Variants in FGD4 observed in about 807,000 individuals in gnomAD.
FGD4 encodes FYVE, RhoGEF and PH domain-containing protein 4.
A neutral mutation model predicts 102.0 loss-of-function variants in FGD4; 42 were observed. That is an observed-to-expected ratio of 0.41 (90% CI 0.32 to 0.53). The LOEUF (loss-of-function observed/expected upper bound fraction) is 0.53. Among genes scored for constraint, FGD4 ranks in the 20% least tolerant of loss-of-function variants. The pLI is 0.21. For synonymous variants in FGD4, 380 were observed against 375.7 expected, an observed-to-expected ratio of 1.01 and a Z score of -0.13; for missense variants, 902 against 1,078.2, an observed-to-expected ratio of 0.84 and a Z score of 2.29.
chr12:32,532,597 A>C (rs1235971817), intron 1 of FGD4, among the ~76,000 whole-genome samples: 1 of 151,786 alleles, frequency 6.6e-6, no homozygotes, highest in East Asian at 1.9e-4. Flanking sequence ...TGTTTGTTTT[A>C]ATACCAAACC....
intron 1 of FGD4, among the ~76,000 whole-genome samples, chr12:32,464,309 C>T (rs554435481): frequency 2.6e-5 from 4 of 152,106 alleles, no homozygotes; most frequent in Non-Finnish European, 4.4e-5. Flanking sequence ...CGCACCACTT[C>T]GCCCGGCTAA....
chr12:32,606,678 T>G (rs1948804277), intron 7 of FGD4, among the ~76,000 whole-genome samples: 1 of 152,208 alleles, frequency 6.6e-6, no homozygotes, highest in Non-Finnish European at 1.5e-5. Flanking sequence ...AAACACCATG[T>G]CTTAATATAG....
intron 1 of FGD4, among the ~76,000 whole-genome samples, chr12:32,561,096 T>TTTTTTTTTTTTTG: frequency 7.6e-6 from 1 of 131,346 alleles, no homozygotes; most frequent in Non-Finnish European, 1.6e-5. Flanking sequence ...TTTTTTTTTT[T>TTTTTTTTTTTTTG]TTTTTGAGAT....
intron 1 of FGD4, among the ~76,000 whole-genome samples, chr12:32,425,068 T>C (rs1941783401): frequency 6.6e-6 from 1 of 152,244 alleles, no homozygotes; most frequent in Non-Finnish European, 1.5e-5. Flanking sequence ...AGAAGCTCTT[T>C]AGTTTAATTA....
At chr12:32,503,868 T>C (rs951513611) in intron 1 of FGD4, among the ~76,000 whole-genome samples, 1 of 152,200 alleles carries the variant, frequency 6.6e-6, no homozygotes, top group African/African-American at 2.4e-5. Context: ...TTGCTTTAAT[T>C]ACCATTATCT....
At chr12:32,560,092 CT>C (rs1176212698) in intron 1 of FGD4, among the ~76,000 whole-genome samples, 1 of 152,274 alleles carries the variant, frequency 6.6e-6, no homozygotes, top group East Asian at 1.9e-4. Flanking sequence ...CTTAGTATCA[CT>C]GTGAAAAAGC....
At chr12:32,620,729 G>C (rs1456466377) in intron 11 of FGD4, among the ~76,000 whole-genome samples, 1 of 129,052 alleles carries the variant, frequency 7.7e-6, no homozygotes, top group African/African-American at 3.1e-5. Flanking sequence ...ACGGAGTCTC[G>C]CTCTGTCTCC....
chr12:32,422,545 G>A (rs939158055), intron 1 of FGD4, among the ~76,000 whole-genome samples: 13 of 150,904 alleles, frequency 8.6e-5, no homozygotes, highest in African/African-American at 2.9e-4. Flanking sequence ...TGATCCACCC[G>A]CCTCAGCCTC....
chr12:32,529,176 G>A (rs1267057662), intron 1 of FGD4, among the ~76,000 whole-genome samples: 10 of 151,872 alleles, frequency 6.6e-5, no homozygotes, highest in African/African-American at 1.9e-4. Flanking sequence ...GTGCAGTGGC[G>A]CAATCTTGGC....
rs140537403 is a variant in FGD4 at position 32,400,907 on chromosome 12, T to G, written c.166+948T>G. 1.8e-4 allele frequency among the ~76,000 whole-genome samples: 28 copies of G among 152,364 alleles called. No homozygotes were observed. In the East Asian group the frequency reaches 4.6e-3, roughly 25 times the overall value. On this transcript the variant is annotated intron_variant, in intron 1 of 16. Transcript: ENST00000534526. ...TTAAATTCCCTTTTAGTCCTGGTTC[T>G]GAACTTGTAGTAGGCATAGAGCAGA...
At chr12:32,520,429 TTTTG>T (rs1468141461) in intron 1 of FGD4, among the ~76,000 whole-genome samples, 3 of 119,166 alleles carry the variant, frequency 2.5e-5, no homozygotes, top group African/African-American at 3.3e-5. Flanking sequence ...TTGTGGGTTT[TTTTG>T]TTTTTTGTTT....
At chr12:32,462,898 C>T (rs1943146012) in intron 1 of FGD4, among the ~76,000 whole-genome samples, 1 of 152,230 alleles carries the variant, frequency 6.6e-6, no homozygotes, top group African/African-American at 2.4e-5. Context: ...AAGTACTGTA[C>T]ATCATGGCAA....
chr12:32,501,199 G>A (rs1299920480), intron 1 of FGD4, among the ~76,000 whole-genome samples: 1 of 152,156 alleles, frequency 6.6e-6, no homozygotes, highest in African/African-American at 2.4e-5. Flanking sequence ...CTACAGGTGC[G>A]CACCACCACA....
rs140492397 is a variant in FGD4, at chr12:32,426,118, G to C, written c.166+26159G>C. 6.9e-3 allele frequency among the ~76,000 whole-genome samples: 1,056 copies of C among 152,332 alleles called. 8 individuals carry two copies. The highest frequency in any genetic ancestry group is 0.011 in the Non-Finnish European group (720 of 68,036). On this transcript the variant is annotated intron_variant, in intron 1 of 16. Coordinates refer to ENST00000534526, the MANE Select transcript of FGD4 (RefSeq NM_001370298.3). Reference sequence around the variant, plus strand: ...ATACTATGTTGAATAGGAGTGGTAAGAGAGGGCATCCTTGTGTTGTGCCAG... The same window carrying C: ...ATACTATGTTGAATAGGAGTGGTAACAGAGGGCATCCTTGTGTTGTGCCAG...
chr12:32,536,813 C>T (rs1359085376), intron 1 of FGD4, among the ~76,000 whole-genome samples: 3 of 152,144 alleles, frequency 2.0e-5, no homozygotes, highest in Non-Finnish European at 4.4e-5. Flanking sequence ...AATAAGTACA[C>T]ACAAATACAT....
intron 1 of FGD4, among the ~76,000 whole-genome samples, chr12:32,524,879 A>C (rs544753810): frequency 6.6e-6 from 1 of 152,218 alleles, no homozygotes; most frequent in South Asian, 2.1e-4. Context: ...ATGACTAATA[A>C]ACATTTATAA....
intron 3 of FGD4, among the ~76,000 whole-genome samples, chr12:32,577,399 C>T (rs185890559): frequency 3.9e-5 from 6 of 152,208 alleles, no homozygotes; most frequent in Admixed American, 3.9e-4. Context: ...ATTTATTTGT[C>T]GGATTTACTG....
intron 1 of FGD4, among the ~76,000 whole-genome samples, chr12:32,458,943 A>G (rs1021823989): frequency 1.3e-5 from 2 of 152,174 alleles, no homozygotes; most frequent in Non-Finnish European, 2.9e-5. Context: ...AGTTTTTCTA[A>G]AGTTTCTCCA....
intron 1 of FGD4, among the ~76,000 whole-genome samples, chr12:32,514,668 T>C (rs1939717269): frequency 6.6e-6 from 1 of 151,966 alleles, no homozygotes; most frequent in East Asian, 1.9e-4. Context: ...TACACCATCA[T>C]GCCTAGCTAA....
Sources: allele counts gnomAD v4.1 joint callset (sites outside exome capture counted in the v4.1 genomes callset), GRCh38; gene constraint gnomAD v4.1.1; transcripts MANE v1.5; gene names NCBI Gene and HGNC (gene_info 2026-07-23, HGNC 2026-07-21).